The following ATF7IP2 variants were observed in gnomAD, a reference collection of about 807,000 sequenced individuals.
ATF7IP2 encodes the protein activating transcription factor 7 interacting protein 2.
A neutral mutation model predicts 64.2 loss-of-function variants in ATF7IP2; 42 were observed. The observed-to-expected ratio is 0.65, with a 90% confidence interval of 0.51 to 0.85. The LOEUF (loss-of-function observed/expected upper bound fraction) is 0.85. ATF7IP2 is among the 40% of genes least tolerant of loss of function. The probability of loss-of-function intolerance (pLI) is 0.00; values close to 1 mark genes in which losing one functional copy is unlikely to be tolerated. For missense variants in ATF7IP2, 933 were observed against 784.2 expected (o/e 1.19, Z -2.27); for synonymous variants, 308 against 272.8 (o/e 1.13, Z -1.27).
At chr16:10,412,998 T>C (rs866595385) in intron 1 of ATF7IP2, among the ~76,000 whole-genome samples, 3 of 152,348 alleles carry the variant, frequency 2.0e-5, no homozygotes, top group Middle Eastern at 3.4e-3. Context: ...GCTTTTGATA[T>C]TCATTTGCAT....
At chr16:10,400,272 C>T (rs1327235120) in intron 1 of ATF7IP2, among the ~76,000 whole-genome samples, 2 of 152,174 alleles carry the variant, frequency 1.3e-5, no homozygotes, top group African/African-American at 2.4e-5. Context: ...AACTCCTGAC[C>T]TCAGGTAATT....
At chr16:10,387,479 G>A (rs2047224678) in intron 1 of ATF7IP2, 1 of 152,222 alleles carries the variant, frequency 6.6e-6, no homozygotes, top group African/African-American at 2.4e-5. Flanking sequence ...CGTGTTTTAA[G>A]AACTGGTGTA....
At chr16:10,467,122 G>A (rs1053489217) in intron 9 of ATF7IP2, among the ~76,000 whole-genome samples, 1 of 152,098 alleles carries the variant, frequency 6.6e-6, no homozygotes, top group Non-Finnish European at 1.5e-5. Flanking sequence ...AGTAATCTTG[G>A]TAAGGCTCCT....
intron 12 of ATF7IP2, among the ~76,000 whole-genome samples, chr16:10,476,755 T>C (rs1361270138): frequency 2.6e-5 from 4 of 152,118 alleles, no homozygotes; most frequent in Non-Finnish European, 4.4e-5. Flanking sequence ...GAACATGTGG[T>C]ATTTAGTTTT....
At chr16:10,417,389 A>G (rs1381446762) in intron 2 of ATF7IP2, among the ~76,000 whole-genome samples, 1 of 152,140 alleles carries the variant, frequency 6.6e-6, no homozygotes, top group African/African-American at 2.4e-5. Context: ...GTAGAAAAAG[A>G]TATTCTGTGC....
chr16:10,473,671 T>C, intron 11 of ATF7IP2, 137 bp downstream of exon 11: 1 of 697,496 alleles, frequency 1.4e-6, no homozygotes. Context: ...ATGATAAGCA[T>C]AATTCATAAC....
At chr16:10,414,500 C>T (rs1378959552) in intron 1 of ATF7IP2, 74 bp from the exon 2 acceptor site, 1 of 151,602 alleles carries the variant, frequency 6.6e-6, no homozygotes, top group African/African-American at 2.4e-5. Context: ...TTTTGATTTC[C>T]TTAAATTAGG....
intron 12 of ATF7IP2, 64 bp downstream of exon 12, chr16:10,474,053 C>G: frequency 9.4e-7 from 1 of 1,061,122 alleles, no homozygotes; most frequent in Non-Finnish European, 1.4e-6. Flanking sequence ...TCATAATGCA[C>G]TGGGTCTACT....
At chr16:10,478,634 A>C (rs1456901435) in intron 12 of ATF7IP2, among the ~76,000 whole-genome samples, 1 of 152,236 alleles carries the variant, frequency 6.6e-6, no homozygotes, top group Non-Finnish European at 1.5e-5. Flanking sequence ...CAATGGCAAC[A>C]AAAGCCAAAA....
rs138735120 is a variant in ATF7IP2 at position 10,412,541 on chromosome 16, G to T, written c.-241-2033G>T. Among the ~76,000 whole-genome samples the T allele has an allele frequency of 4.3e-3, 647 of 152,210 alleles. 7 individuals carry two copies. The highest frequency in any genetic ancestry group is 0.015 in the African/African-American group (622 of 41,520). On this transcript the variant is annotated intron_variant, in intron 1 of 13. Coordinates refer to ENST00000562102, the MANE Select transcript of ATF7IP2 (RefSeq NM_001393719.1). The stretch of plus-strand genomic sequence containing the variant: ...TTTTTCCACTATGGTCTGAGAGAGT[G>T]CTTGATATAATTTCAATTTTATTAA...
At chr16:10,456,535 A>G (rs975509341) in intron 8 of ATF7IP2, among the ~76,000 whole-genome samples, 2 of 152,084 alleles carry the variant, frequency 1.3e-5, no homozygotes, top group African/African-American at 4.8e-5. Context: ...TTTACTTTTC[A>G]GAGCTCTTAC....
chr16:10,465,556 G>A (rs559123715), intron 9 of ATF7IP2, among the ~76,000 whole-genome samples: 20 of 151,134 alleles, frequency 1.3e-4, no homozygotes, highest in Admixed American at 2.6e-4. Context: ...TGGGCAACAC[G>A]GTGAAACCCC....
At chr16:10,434,419 C>T (rs187956635) in intron 6 of ATF7IP2, among the ~76,000 whole-genome samples, 124 of 152,206 alleles carry the variant, frequency 8.1e-4, no homozygotes, top group Non-Finnish European at 2.4e-4. Flanking sequence ...GAAATTTCCC[C>T]GTCTAAACTA....
At chr16:10,456,481 T>C (rs1482513602) in intron 8 of ATF7IP2, among the ~76,000 whole-genome samples, 1 of 152,174 alleles carries the variant, frequency 6.6e-6, no homozygotes, top group Admixed American at 6.5e-5. Context: ...AGGTTTAGTG[T>C]GTAGATCCTG....
chr16:10,454,317 G>A (rs1296622200), intron 8 of ATF7IP2: 1 of 148,402 alleles, frequency 6.7e-6, no homozygotes, highest in African/African-American at 2.5e-5. Flanking sequence ...GGCTGAGGCA[G>A]GAGAATCGCT....
In ATF7IP2 at chr16:10,466,609, A is replaced by G. The variant is rs142574029; in HGVS notation, c.1353-5501A>G. ...GTTTTAATTTGTATTTCCTTCTAAT[A>G]ATGAAAATTAAGCAAATTTGCATGT... On this transcript the variant is annotated intron_variant, in intron 9 of 13. Coordinates refer to ENST00000562102, the MANE Select transcript of ATF7IP2 (RefSeq NM_001393719.1). Among the ~76,000 whole-genome samples the G allele has an allele frequency of 2.4e-3, 365 of 152,312 alleles. 1 individual carries two copies. Among genetic ancestry groups the G allele is most frequent in the African/African-American group, 8.3e-3 (347 of 41,568 alleles).
At chr16:10,469,394 C>T (rs2049704449) in intron 9 of ATF7IP2, among the ~76,000 whole-genome samples, 1 of 151,994 alleles carries the variant, frequency 6.6e-6, no homozygotes, top group Non-Finnish European at 1.5e-5. Flanking sequence ...TTTGAAGATA[C>T]AGTGTCTGAA....
At chr16:10,476,823 A>G (rs2050027559) in intron 12 of ATF7IP2, among the ~76,000 whole-genome samples, 1 of 152,190 alleles carries the variant, frequency 6.6e-6, no homozygotes, top group African/African-American at 2.4e-5. Context: ...ATGTCCCTGC[A>G]AAGAACAGGA....
chr16:10,439,713 T>C (rs1413743485), intron 7 of ATF7IP2, among the ~76,000 whole-genome samples: 1 of 149,970 alleles, frequency 6.7e-6, no homozygotes, highest in African/African-American at 2.5e-5. Context: ...TTTGTGTTCT[T>C]AGTAGAGATG....
Sources: gnomAD v4.1 joint callset for allele counts (sites outside exome capture counted in the v4.1 genomes callset) on GRCh38, gnomAD v4.1.1 for gene constraint, MANE v1.5 for transcripts, NCBI Gene and HGNC (gene_info 2026-07-23, HGNC 2026-07-21) for gene names.